The following C11orf65 variants were observed in gnomAD, a reference collection of about 807,000 sequenced individuals.
C11orf65 encodes protein MFI.
Under a neutral mutation model 35.3 loss-of-function variants are expected in C11orf65, and 38 were observed. The ratio of observed to expected loss-of-function variants is 1.08; its 90% CI spans 0.83 to 1.41. The LOEUF is 1.41. Among genes scored for constraint, C11orf65 ranks in the 40% most tolerant of loss-of-function variants. C11orf65 has a pLI of 0.00. For missense variants in C11orf65, 370 were observed against 367.1 expected (o/e 1.01, Z -0.06); for synonymous variants, 105 against 114.4 (o/e 0.92, Z 0.53).
chr11:108,353,802 C>G (rs2089498194), intron 2 of C11orf65: 1 of 1,614,090 alleles, frequency 6.2e-7, no homozygotes. Flanking sequence ...CTTCCTACTC[C>G]TGAGACAGTT....
downstream of C11orf65, among the ~76,000 whole-genome samples, chr11:108,379,220 A>T (rs1169608155): frequency 6.6e-6 from 1 of 152,210 alleles, no homozygotes; most frequent in East Asian, 1.9e-4. Context: ...AAGACTTGGA[A>T]CCAACCCAAA....
chr11:108,407,289 A>T (rs1246296519), intron 3 of C11orf65, 140 bp from the exon 4 acceptor site: 2 of 663,658 alleles, frequency 3.0e-6, no homozygotes, highest in Non-Finnish European at 4.7e-6. Flanking sequence ...AACCTCAAAT[A>T]ATCAATTTTA....
Position 108,325,498 on chromosome 11 carries a change from A to G in C11orf65, c.641-16427T>C, listed in dbSNP as rs1565518950. On this transcript the variant is annotated intron_variant, in intron 6 of 6. Coordinates refer to the C11orf65 transcript ENST00000525729. ...TGTATTAAGGACATTCTCACCAAACACCTTGTAGAACTCTCTATACTGGCC... is the reference window on the plus strand; with the variant it reads ...TGTATTAAGGACATTCTCACCAAACGCCTTGTAGAACTCTCTATACTGGCC... 6.2e-7 allele frequency: 1 copy of G among 1,612,854 alleles called. No individual in the cohort carries two copies. Among genetic ancestry groups the G allele is most frequent in the Non-Finnish European group, 8.5e-7 (1 of 1,179,718 alleles).
intron 6 of C11orf65, among the ~76,000 whole-genome samples, chr11:108,396,152 G>A (rs765515257): frequency 2.0e-5 from 3 of 152,066 alleles, no homozygotes; most frequent in Non-Finnish European, 2.9e-5. Context: ...GAGTGCAGTG[G>A]CACGATCTTG....
chr11:108,347,504 A>G (rs904425675), intron 2 of C11orf65: 1 of 711,268 alleles, frequency 1.4e-6, no homozygotes. Flanking sequence ...TGTTTTCAGC[A>G]TAAACAGTTG....
chr11:108,423,352 GCAC>G (rs1198943918), intron 3 of C11orf65, among the ~76,000 whole-genome samples: 1 of 152,182 alleles, frequency 6.6e-6, no homozygotes, highest in African/African-American at 2.4e-5. Flanking sequence ...TTTGCTGCCA[GCAC>G]AACAGTCTGA....
downstream of C11orf65, among the ~76,000 whole-genome samples, chr11:108,379,698 G>C (rs1306726463): frequency 6.6e-6 from 1 of 151,582 alleles, no homozygotes; most frequent in East Asian, 1.9e-4. Context: ...CCCTTACTCA[G>C]GGTTAGCCTG....
At position 108,450,954 on chromosome 11, in the gene C11orf65, AC is replaced by A. The variant is rs202057481; in HGVS notation, c.81+10524del. Among the ~76,000 whole-genome samples, 1,159 of 152,058 alleles carry A rather than the reference AC, an allele frequency of 7.6e-3. 26 individuals carry two copies. The highest frequency in any genetic ancestry group is 0.025 in the African/African-American group (1,031 of 41,352). On this transcript the variant is annotated intron_variant, in intron 2 of 8. Transcript: ENST00000393084. ...CAGAAACGGCCTTCAATAAAATTCA[AC>A]AGCTCTTCATGCTAAAAACTCTCAA...
chr11:108,445,015 G>A (rs2093229259), intron 2 of C11orf65, among the ~76,000 whole-genome samples: 1 of 152,182 alleles, frequency 6.6e-6, no homozygotes, highest in Non-Finnish European at 1.5e-5. Context: ...TGCTAGCACA[G>A]CAGTCTGAGA....
At chr11:108,433,863 G>A (rs769915277) in intron 2 of C11orf65, among the ~76,000 whole-genome samples, 6 of 152,152 alleles carry the variant, frequency 3.9e-5, no homozygotes, top group Non-Finnish European at 7.4e-5. Context: ...AGCATACCTG[G>A]TTGTATATTG....
chr11:108,448,262 G>C (rs1017035146), intron 2 of C11orf65, among the ~76,000 whole-genome samples: 1 of 152,104 alleles, frequency 6.6e-6, no homozygotes, highest in African/African-American at 2.4e-5. Context: ...GAAAAAGAGG[G>C]AATCCTCCCT....
chr11:108,459,486 T>C lies in C11orf65; in HGVS notation c.81+1993A>G, dbSNP rs373535648. ...TTAAATTGTTAACTCCAAATTCATA[T>C]CCTCTCTGGGGTTCCAATGGCAAAC... is the stretch of plus-strand genomic sequence containing the variant. On this transcript the variant is annotated intron_variant, in intron 2 of 8. Coordinates refer to ENST00000393084, the MANE Select transcript of C11orf65 (RefSeq NM_152587.5). Among the ~76,000 whole-genome samples, 24 of 152,236 alleles carry C rather than the reference T, an allele frequency of 1.6e-4. 1 individual carries two copies. In the East Asian group the frequency reaches 4.2e-3, roughly 27 times the overall value.
chr11:108,457,224 G>A (rs530084918), intron 2 of C11orf65, among the ~76,000 whole-genome samples: 1 of 152,210 alleles, frequency 6.6e-6, no homozygotes, highest in African/African-American at 2.4e-5. Flanking sequence ...TGGAGGGTAA[G>A]TAACCTACCC....
At chr11:108,366,406 T>A (rs2091333571) in intron 2 of C11orf65, 1 of 218,330 alleles carries the variant, frequency 4.6e-6, no homozygotes. Flanking sequence ...GTTTTTTTAA[T>A]GTTTTTTATG....
intron 2 of C11orf65, among the ~76,000 whole-genome samples, chr11:108,454,234 T>C (rs6589019): frequency 0.62 from 93,963 of 151,626 alleles, 29,431 homozygotes; most frequent in Middle Eastern, 0.76. Context: ...TCTTATTATC[T>C]TTTGTATTTC....
Position 108,345,597 on chromosome 11 carries a change from C to G in C11orf65, c.227-10305G>C, listed in dbSNP as rs1334572062. On this transcript the variant is annotated intron_variant, in intron 2 of 3. Coordinates refer to the C11orf65 transcript ENST00000524755. The stretch of plus-strand genomic sequence containing the variant: ...TTATCACTTGTAATTAATTGCTTCC[C>G]TGTCCAGACTGTTAGCTTCTTGTAG... 79 of 655,588 alleles carry G rather than the reference C, an allele frequency of 1.2e-4. 1 individual carries two copies. In the South Asian group the frequency reaches 2.0e-3, roughly 16 times the overall value. 40.6% of individuals were successfully genotyped at this position (655,588 alleles called of 1,614,324 possible).
intron 6 of C11orf65, among the ~76,000 whole-genome samples, chr11:108,394,434 C>T (rs2092256661): frequency 6.6e-6 from 1 of 152,086 alleles, no homozygotes; most frequent in Non-Finnish European, 1.5e-5. Context: ...AGAAATTGTT[C>T]AAGATCATGT....
intron 3 of C11orf65, among the ~76,000 whole-genome samples, chr11:108,408,730 A>AAACAAAACAAAAC (rs2092601138): frequency 2.6e-5 from 1 of 38,978 alleles, no homozygotes; most frequent in African/African-American, 7.4e-5. Flanking sequence ...AAATAAAATA[A>AAACAAAACAAAAC]AATGATATAA....
At chr11:108,455,829 A>AAAAC (rs1165976442) in intron 2 of C11orf65, among the ~76,000 whole-genome samples, 1 of 149,422 alleles carries the variant, frequency 6.7e-6, no homozygotes, top group African/African-American at 2.5e-5. Context: ...AAAAAAAAAA[A>AAAAC]AAAAAAAAAA....
Sources: allele counts gnomAD v4.1 joint callset (sites outside exome capture counted in the v4.1 genomes callset), GRCh38; gene constraint gnomAD v4.1.1; transcripts MANE v1.5; gene names NCBI Gene and HGNC (gene_info 2026-07-23, HGNC 2026-07-21).